Variants in GPHN observed in about 807,000 individuals in gnomAD.
GPHN encodes the protein gephyrin.
In GPHN, 17 loss-of-function variants were observed where a neutral mutation model predicts 95.5. The observed-to-expected ratio is 0.18, with a 90% CI of 0.12 to 0.27. The LOEUF (loss-of-function observed/expected upper bound fraction) is 0.27, where lower values mean the gene tolerates loss of function less well. Among genes scored for constraint, GPHN ranks in the 10% least tolerant of loss-of-function variants. The pLI, the probability that GPHN is intolerant of heterozygous loss-of-function variation, is 1.00. For missense variants in GPHN, 660 were observed against 978.1 expected (o/e 0.67, Z 4.34); for synonymous variants, 320 against 322.5 (o/e 0.99, Z 0.08).
chr14:67,367,793 A>G, the GPHN span, among the ~76,000 whole-genome samples: 1 of 151,868 alleles, frequency 6.6e-6, no homozygotes, highest in East Asian at 2.0e-4. Flanking sequence ...CCAAGATTGC[A>G]CCGCTGCACT....
the GPHN span, among the ~76,000 whole-genome samples, chr14:67,633,902 C>T: frequency 2.0e-5 from 3 of 152,170 alleles, no homozygotes; most frequent in Non-Finnish European, 4.4e-5. Context: ...AGAAGTTCTC[C>T]TGACCCTTCT....
At chr14:67,199,062 A>G in the GPHN span, 3 of 827,386 alleles carry the variant, frequency 3.6e-6, no homozygotes, top group East Asian at 2.5e-5. Flanking sequence ...CTCTTTTGCC[A>G]TGGCTACCAG....
the GPHN span, among the ~76,000 whole-genome samples, chr14:67,539,123 G>C: frequency 2.0e-5 from 3 of 152,166 alleles, no homozygotes; most frequent in East Asian, 5.8e-4. Context: ...CCTAGTCTCA[G>C]ATCTGCCACT....
intron 19 of GPHN, among the ~76,000 whole-genome samples, chr14:67,161,099 C>A (rs894618025): frequency 6.6e-6 from 1 of 152,114 alleles, no homozygotes; most frequent in Non-Finnish European, 1.5e-5. Flanking sequence ...TCCAGACTAT[C>A]CTGAGCAACA....
chr14:67,439,589 CTTTCT>C, the GPHN span, among the ~76,000 whole-genome samples: 30 of 123,646 alleles, frequency 2.4e-4, 2 homozygotes, highest in African/African-American at 1.0e-3. Flanking sequence ...TTCTTTCTTT[CTTTCT>C]TCTTTCTTTT....
rs201245603 is a variant in GPHN at position 66,508,599 on chromosome 14, G to C, written c.64+8G>C. On this transcript the variant is annotated splice_region_variant and intron_variant, in intron 1 of 22. Transcript: ENST00000478722. Reference sequence around the variant, plus strand: ...GTGTCGGAGTCCTTACAGGTAACCGGGGGAGGAGGTCTGGGACCTATGAGG... The same window carrying C: ...GTGTCGGAGTCCTTACAGGTAACCGCGGGAGGAGGTCTGGGACCTATGAGG... 124 of 1,611,304 alleles carry C rather than the reference G, an allele frequency of 7.7e-5. 1 individual carries two copies. In the East Asian group the frequency reaches 2.7e-3, roughly 34 times the overall value.
chr14:67,372,055 A>G, the GPHN span, among the ~76,000 whole-genome samples: 1 of 151,954 alleles, frequency 6.6e-6, no homozygotes, highest in East Asian at 1.9e-4. Context: ...ACTTGAGCCC[A>G]GGAGTTCGAG....
In GPHN at chr14:66,809,400, C is replaced by T. The variant is rs186037951; in HGVS notation, c.202-15074C>T. ...ATAATAAAACCTACTATTGTCATTA[C>T]GAATATTAAATGTTTGTAAAGTACT... is the stretch of plus-strand genomic sequence containing the variant. On this transcript the variant is annotated intron_variant, in intron 3 of 22. Transcript: ENST00000478722. Among the ~76,000 whole-genome samples, 11 of 151,936 alleles carry T rather than the reference C, an allele frequency of 7.2e-5. No homozygotes were observed. In the East Asian group the frequency reaches 1.5e-3, roughly 21 times the overall value.
intron 9 of GPHN, among the ~76,000 whole-genome samples, chr14:66,971,527 T>C (rs1298075448): frequency 1.3e-5 from 2 of 152,196 alleles, no homozygotes; most frequent in African/African-American, 4.8e-5. Context: ...TCTTGTAATA[T>C]GTTGTTCTGA....
At chr14:67,544,829 C>T in the GPHN span, among the ~76,000 whole-genome samples, 25 of 152,272 alleles carry the variant, frequency 1.6e-4, no homozygotes, top group African/African-American at 5.5e-4. Flanking sequence ...CAGAATGCTG[C>T]CTACAGAAAT....
At chr14:67,381,111 C>T in the GPHN span, among the ~76,000 whole-genome samples, 1 of 152,108 alleles carries the variant, frequency 6.6e-6, no homozygotes, top group Non-Finnish European at 1.5e-5. Context: ...CCTTTTCCAC[C>T]CAGTGTATCA....
intron 1 of GPHN, among the ~76,000 whole-genome samples, chr14:66,547,455 T>A (rs1167441566): frequency 4.6e-5 from 7 of 152,250 alleles, no homozygotes. Context: ...TATTGTCATA[T>A]GACGCATGGG....
At chr14:67,645,877 T>C in the GPHN span, 2 of 1,544,470 alleles carry the variant, frequency 1.3e-6, no homozygotes, top group South Asian at 1.2e-5. Context: ...TCAGTTAAGA[T>C]TTTGGTGAAG....
intron 3 of GPHN, among the ~76,000 whole-genome samples, chr14:66,823,790 G>A (rs1014512539): frequency 6.6e-6 from 1 of 152,162 alleles, no homozygotes; most frequent in Non-Finnish European, 1.5e-5. Context: ...TTTCACAACA[G>A]TTATCGGCAA....
intron 1 of GPHN, among the ~76,000 whole-genome samples, chr14:66,587,342 A>C (rs2061463132): frequency 6.6e-6 from 1 of 152,196 alleles, no homozygotes; most frequent in South Asian, 2.1e-4. Context: ...AATTCTTCCA[A>C]AAAATTGAGG....
At chr14:67,059,809 C>G (rs1434789079) in intron 11 of GPHN, among the ~76,000 whole-genome samples, 1 of 152,120 alleles carries the variant, frequency 6.6e-6, no homozygotes, top group Non-Finnish European at 1.5e-5. Context: ...GTCTTTGGTT[C>G]ACATTCTTTT....
chr14:67,511,124 A>G, the GPHN span, among the ~76,000 whole-genome samples: 2 of 152,170 alleles, frequency 1.3e-5, no homozygotes, highest in African/African-American at 2.4e-5. Context: ...CTCATGTGAC[A>G]GGGGTGCCTC....
the GPHN span, among the ~76,000 whole-genome samples, chr14:67,287,033 C>T: frequency 3.3e-5 from 5 of 151,940 alleles, no homozygotes; most frequent in African/African-American, 1.2e-4. Context: ...GCTTGGGTGA[C>T]AGTGAAATCT....
the GPHN span, among the ~76,000 whole-genome samples, chr14:67,299,256 A>C: frequency 6.6e-6 from 1 of 152,194 alleles, no homozygotes; most frequent in Non-Finnish European, 1.5e-5. Context: ...GAGTTGTAAG[A>C]GTTCTTAATA....
Sources: allele counts gnomAD v4.1 joint callset (sites outside exome capture counted in the v4.1 genomes callset), GRCh38; gene constraint gnomAD v4.1.1; transcripts MANE v1.5; gene names NCBI Gene and HGNC (gene_info 2026-07-23, HGNC 2026-07-21).